The following PLXNA2 variants were observed in gnomAD, a reference collection of about 807,000 sequenced individuals.
PLXNA2 encodes plexin-A2.
A neutral mutation model predicts 193.5 loss-of-function variants in PLXNA2; 91 were observed. The observed-to-expected ratio is 0.47, with a 90% confidence interval of 0.40 to 0.56. The LOEUF is 0.56. Among genes scored for constraint, PLXNA2 ranks in the 20% least tolerant of loss-of-function variants. PLXNA2 has a pLI of 0.00. For synonymous variants in PLXNA2, 997 were observed against 1,027.3 expected (o/e 0.97, Z 0.56); for missense variants, 1,995 against 2,503.2 (o/e 0.80, Z 4.33).
chr1:208,055,152 G>A (rs1191795461), intron 13 of PLXNA2, among the ~76,000 whole-genome samples: 1 of 152,162 alleles, frequency 6.6e-6, no homozygotes, highest in African/African-American at 2.4e-5. Flanking sequence ...CATTAGGCCA[G>A]CAGGTGACAC....
At position 208,101,509 on chromosome 1, in the gene PLXNA2, G is replaced by T. The variant is rs143048632; in HGVS notation, c.1607+1638C>A. 1.1e-3 allele frequency among the ~76,000 whole-genome samples: 166 copies of T among 152,314 alleles called. 1 individual carries two copies. Among genetic ancestry groups the T allele is most frequent in the African/African-American group, 3.5e-3 (146 of 41,564 alleles). On this transcript the variant is annotated intron_variant, in intron 5 of 31. Transcript: ENST00000367033. ...GGAGATGAGTGTCCTGGTAGGTAGG[G>T]AGGATTCTCTAAAGAGTTAAGGAGT... is the stretch of plus-strand genomic sequence containing the variant.
chr1:208,106,857 G>A (rs1406037482), intron 4 of PLXNA2, among the ~76,000 whole-genome samples: 6 of 152,082 alleles, frequency 3.9e-5, no homozygotes, highest in African/African-American at 7.2e-5. Context: ...GTATGTGTCC[G>A]GGCCTTAAAA....
In PLXNA2 at chr1:208,042,342, C is replaced by T. The variant is rs764579780; in HGVS notation, c.4042G>A (p.Val1348Met). The change falls in exon 22 of 32, where the codon GTG becomes ATG. Residue 1348 changes from valine to methionine, a missense_variant. Physicochemically the swap from Val to Met is conservative, Grantham distance 21. Transcript: ENST00000367033. ...GCAAAGAGCTTCAGGGCCTTCTCCA[C>T]GTGCTGCTGCCCGTTTCCTTGTACC... ...LEVQGNGQQH[V>M]EKALKLFAQL... 2.4e-5 allele frequency: 39 copies of T among 1,614,006 alleles called. No homozygotes were observed. The highest frequency in any genetic ancestry group is 1.7e-4 in the Middle Eastern group (1 of 6,060).
chr1:208,217,427 C>T lies in PLXNA2; in HGVS notation c.496G>A (p.Gly166Ser), dbSNP rs767145339. 3 of 1,614,030 alleles carry T rather than the reference C, an allele frequency of 1.9e-6. No individual in the cohort carries two copies. In the African/African-American group the frequency reaches 4.0e-5, roughly 22 times the overall value. The change falls in exon 2 of 32, where the codon GGC becomes AGC. Residue 166 changes from glycine (G) to serine (S), a missense_variant. By Grantham distance (56) the Gly-to-Ser change is moderately conservative. Coordinates refer to ENST00000367033, the MANE Select transcript of PLXNA2 (RefSeq NM_025179.4). This position sits in a 1 kb window ranked among gnomAD's most constrained non-coding sequence, Gnocchi z 4.7. ...CGCACAATCACCCCGTACATGGTGC[C>T]CGTCTTGTTGACACTGGACAGGTAG... ...EHYLSSVNKTGTMYGVIVRSE... is the reference protein window; with the variant it reads ...EHYLSSVNKTSTMYGVIVRSE...
chr1:208,128,324 C>T (rs1401210549), intron 4 of PLXNA2, among the ~76,000 whole-genome samples: 3 of 152,138 alleles, frequency 2.0e-5, no homozygotes, highest in African/African-American at 7.2e-5. Flanking sequence ...TGGGGGACTC[C>T]ATGGTAGTGA....
At chr1:208,092,301 A>G (rs1212416439) in intron 9 of PLXNA2, among the ~76,000 whole-genome samples, 3 of 152,232 alleles carry the variant, frequency 2.0e-5, no homozygotes, top group Admixed American at 2.0e-4. Flanking sequence ...CTCACTTTCT[A>G]CAAGGCCACC....
At chr1:208,096,209 T>C (rs1666881203) in intron 7 of PLXNA2, 84 bp from the exon 8 acceptor site, 2 of 1,007,332 alleles carry the variant, frequency 2.0e-6, no homozygotes, top group Non-Finnish European at 3.1e-6. Context: ...ATGTAAGTCA[T>C]GAAGCCACCA....
At chr1:208,149,091 C>G (rs1668679765) in intron 3 of PLXNA2, among the ~76,000 whole-genome samples, 1 of 152,144 alleles carries the variant, frequency 6.6e-6, no homozygotes, top group Non-Finnish European at 1.5e-5. Context: ...TCGCTTCTAC[C>G]TCTGTTCACC....
At chr1:208,152,683 G>GCACACACACACA (rs56051287) in intron 3 of PLXNA2, among the ~76,000 whole-genome samples, 5 of 140,358 alleles carry the variant, frequency 3.6e-5, no homozygotes, top group South Asian at 4.7e-4. Flanking sequence ...ACACACACAC[G>GCACACACACACA]CACACACACA....
chr1:208,051,392 G>T lies in PLXNA2; in HGVS notation c.3025C>A (p.Pro1009Thr), dbSNP rs778531255. ...GGGCCAAGGCCATTGGATGATGGGG[G>T]TGAGACACACACGATCTCACTCATT... is the stretch of plus-strand genomic sequence containing the variant. Reference protein sequence around the residue: ...RSMSEIVCVSPPSSNGLGPVP... With the variant: ...RSMSEIVCVSTPSSNGLGPVP... Residue 1009 changes from proline to threonine, a missense_variant, in exon 16 of 32, where the codon CCC (proline) becomes ACC (threonine). Physicochemically the swap from Pro to Thr is conservative, Grantham distance 38. Around this residue, in one of 3 missense-constraint regions of PLXNA2, gnomAD observed 1,291 missense variants for 1,673.6 expected, o/e 0.77. Transcript: ENST00000367033. 8.7e-6 allele frequency: 14 copies of T among 1,612,272 alleles called. No individual in the cohort carries two copies. Among genetic ancestry groups the T allele is most frequent in the East Asian group, 6.7e-5 (3 of 44,844 alleles).
chr1:208,168,870 AAACAGG>A (rs1669401597), intron 3 of PLXNA2, among the ~76,000 whole-genome samples: 2 of 151,858 alleles, frequency 1.3e-5, no homozygotes, highest in Non-Finnish European at 2.9e-5. Context: ...GAGGCCAGAG[AAACAGG>A]ACTTCTCAGC....
chr1:208,187,037 A>T (rs1670032168), intron 3 of PLXNA2, among the ~76,000 whole-genome samples: 3 of 152,166 alleles, frequency 2.0e-5, no homozygotes, highest in African/African-American at 7.2e-5. Context: ...GTTATTTTGT[A>T]CAAAATCCTT....
chr1:208,070,057 G>A (rs895719512), intron 12 of PLXNA2, among the ~76,000 whole-genome samples: 3 of 152,198 alleles, frequency 2.0e-5, no homozygotes, highest in African/African-American at 4.8e-5. Context: ...TTATCTAACC[G>A]CTGCTTTTTG....
At chr1:208,062,292 G>A (rs1160753780) in intron 12 of PLXNA2, among the ~76,000 whole-genome samples, 1 of 152,148 alleles carries the variant, frequency 6.6e-6, no homozygotes, top group Non-Finnish European at 1.5e-5. Context: ...GAGTGATCTG[G>A]AGACCCTTCT....
At chr1:208,058,596 C>T (rs1286941020) in intron 13 of PLXNA2, among the ~76,000 whole-genome samples, 4 of 152,120 alleles carry the variant, frequency 2.6e-5, no homozygotes, top group Non-Finnish European at 5.9e-5. Context: ...CAGCTGGAAA[C>T]CAGGGCTGCA....
chr1:208,238,163 C>T (rs947589919), intron 1 of PLXNA2, among the ~76,000 whole-genome samples: 3 of 152,110 alleles, frequency 2.0e-5, no homozygotes, highest in African/African-American at 4.8e-5. Context: ...CTCAAAGCGT[C>T]GGAGAGAATA....
At chr1:208,071,514 A>G (rs931036851) in intron 12 of PLXNA2, among the ~76,000 whole-genome samples, 1 of 152,028 alleles carries the variant, frequency 6.6e-6, no homozygotes, top group Admixed American at 6.6e-5. Context: ...CTTGAAGTGT[A>G]TGTGTGTGTG....
chr1:208,079,786 G>A (rs547900470), intron 11 of PLXNA2, among the ~76,000 whole-genome samples: 155 of 115,356 alleles, frequency 1.3e-3, no homozygotes, highest in African/African-American at 4.4e-3. Context: ...GAAGATAATC[G>A]TTGTTTTTTT....
chr1:208,206,159 CT>C (rs1313496284), intron 3 of PLXNA2, among the ~76,000 whole-genome samples: 1 of 152,180 alleles, frequency 6.6e-6, no homozygotes. Flanking sequence ...GTTCTATGTC[CT>C]GCTTTATTCA....
Sources: allele counts gnomAD v4.1 joint callset (sites outside exome capture counted in the v4.1 genomes callset), GRCh38; gene constraint gnomAD v4.1.1; regional missense constraint gnomAD v4.1.1; non-coding constraint Gnocchi (gnomAD v3.1); transcripts MANE v1.5; gene names NCBI Gene and HGNC (gene_info 2026-07-23, HGNC 2026-07-21).